Variants in GNS observed in about 807,000 individuals in gnomAD.
The protein encoded by GNS is N-acetylglucosamine-6-sulfatase.
GNS carries 40 observed loss-of-function variants against 69.7 expected under a neutral mutation model. The ratio of observed to expected loss-of-function variants is 0.57; its 90% CI spans 0.45 to 0.75. GNS has a LOEUF of 0.75. Ranked by LOEUF, GNS falls within the 30% of genes least tolerant of loss-of-function variation. The pLI is 0.00. For missense variants in GNS, 565 were observed against 685.5 expected (o/e 0.82, Z 1.96); for synonymous variants, 243 against 251.6 (o/e 0.97, Z 0.32).
At chr12:64,719,046 G>A (rs74712398) in intron 13 of GNS, among the ~76,000 whole-genome samples, 1 of 152,104 alleles carries the variant, frequency 6.6e-6, no homozygotes, top group East Asian at 1.9e-4. Context: ...TTTCATTTAA[G>A]TGATATAAAA....
At chr12:64,717,115 G>A (rs1868886711) in intron 13 of GNS, among the ~76,000 whole-genome samples, 1 of 152,146 alleles carries the variant, frequency 6.6e-6, no homozygotes, top group African/African-American at 2.4e-5. Flanking sequence ...GGGAGTAGGG[G>A]TGGATCAACT....
At chr12:64,745,200 T>C (rs1203858307) in intron 4 of GNS, among the ~76,000 whole-genome samples, 1 of 124,742 alleles carries the variant, frequency 8.0e-6, no homozygotes, top group Non-Finnish European at 1.6e-5. Context: ...CACAAGTCAA[T>C]AGACTTTTTT....
At chr12:64,728,150 C>T (rs1869267288) in intron 10 of GNS, among the ~76,000 whole-genome samples, 1 of 152,154 alleles carries the variant, frequency 6.6e-6, no homozygotes, top group Non-Finnish European at 1.5e-5. Context: ...GTCTCGAACC[C>T]CTGACTTCAG....
At chr12:64,750,981 C>T (rs1159114476) in intron 2 of GNS, among the ~76,000 whole-genome samples, 1 of 152,186 alleles carries the variant, frequency 6.6e-6, no homozygotes, top group Non-Finnish European at 1.5e-5. Flanking sequence ...TATCTTACCA[C>T]TCGCATCATT....
At chr12:64,745,916 C>T (rs1052493435) in intron 3 of GNS, 192 bp from the exon 4 acceptor site, 1 of 595,310 alleles carries the variant, frequency 1.7e-6, no homozygotes, top group Non-Finnish European at 3.0e-6. Context: ...TGGCAAACTA[C>T]AGCCAGTGAG....
In GNS at chr12:64,743,326, T is replaced by C. The variant is rs1440360711; in HGVS notation, c.625-18A>G. The C allele has an allele frequency of 1.3e-6, 2 of 1,585,008 alleles. No homozygotes were observed. The highest frequency in any genetic ancestry group is 1.7e-6 in the Non-Finnish European group (2 of 1,153,768). ...ACATTAGCCTGACACATAAAAAGAT[T>C]TGTCATCTCCTACCTTACCCAACAG... On this transcript the variant is annotated intron_variant, in intron 5 of 13. Coordinates refer to ENST00000258145, the MANE Select transcript of GNS (RefSeq NM_002076.4).
At chr12:64,740,839 C>G (rs1869708274) in intron 6 of GNS, 151 bp from the exon 7 acceptor site, 2 of 652,052 alleles carry the variant, frequency 3.1e-6, no homozygotes, top group Non-Finnish European at 5.5e-6. Context: ...TTCAGAACTT[C>G]TCTCCCTTCC....
rs1045150328 is a variant in GNS at position 64,746,163 on chromosome 12, T to C, written c.460-439A>G. On this transcript the variant is annotated intron_variant, in intron 3 of 13. Transcript: ENST00000258145. ...GCTGAATAGTAGCAACAGAGACATA[T>C]GGCCTGCAAGGCCTGAAATGTTTAC... 2.2e-5 allele frequency: 5 copies of C among 229,054 alleles called. No homozygotes were observed. The South Asian group carries it at 2.9e-4, about 13-fold the overall frequency. The allele number at this position is 229,054 out of a possible 1,614,324, so 14.2% of individuals were successfully genotyped here.
chr12:64,730,693 A>G (rs930388678), intron 9 of GNS, among the ~76,000 whole-genome samples: 6 of 152,154 alleles, frequency 3.9e-5, no homozygotes, highest in Non-Finnish European at 7.4e-5. Context: ...TGTTACAGAT[A>G]ATTTTCCTGG....
In GNS at chr12:64,745,893, C is replaced by T. The variant is rs569831778; in HGVS notation, c.460-169G>A. ...TAAACGCTAATAATCCTAGGAACTTCTAAAGCAGGAGTTGGCAAACTACAG... is the reference window on the plus strand; with the variant it reads ...TAAACGCTAATAATCCTAGGAACTTTTAAAGCAGGAGTTGGCAAACTACAG... On this transcript the variant is annotated intron_variant, in intron 3 of 13. Coordinates refer to ENST00000258145, the MANE Select transcript of GNS (RefSeq NM_002076.4). The T allele has an allele frequency of 6.3e-5, 39 of 623,358 alleles. 1 individual carries two copies. In the South Asian group the frequency reaches 7.5e-4, roughly 12 times the overall value. 38.6% of individuals were successfully genotyped at this position (623,358 alleles called of 1,614,324 possible).
intron 6 of GNS, among the ~76,000 whole-genome samples, chr12:64,741,025 T>C (rs975737113): frequency 6.6e-6 from 1 of 152,104 alleles, no homozygotes; most frequent in African/African-American, 2.4e-5. Context: ...ACTCTGATCT[T>C]ATGCCTTTGG....
rs775564692 is a variant in GNS, at chr12:64,739,415, G to A, written c.960C>T (p.Tyr320=). ...AGCCATTGTCTGAGGTATAGAAGAT[G>A]TAAGTGTTGTTGAGCTCCCCAGTGA... is the stretch of plus-strand genomic sequence containing the variant. The part of the protein sequence containing the change: ...LEFTGELNNT[Y]IFYTSDNGYH... Residue 320 remains tyrosine (Y), a synonymous_variant, in exon 8 of 14, where the codon TAC becomes TAT. Coordinates refer to ENST00000258145, the MANE Select transcript of GNS (RefSeq NM_002076.4). The A allele has an allele frequency of 6.3e-7, 1 of 1,589,526 alleles. No individual in the cohort carries two copies. Among genetic ancestry groups the A allele is most frequent in the South Asian group, 1.1e-5 (1 of 90,530 alleles).
chr12:64,740,562 G>C (rs1386694959), intron 7 of GNS, 44 bp downstream of exon 7: 1 of 981,902 alleles, frequency 1.0e-6, no homozygotes, highest in Admixed American at 1.7e-5. Flanking sequence ...TGATTTGCAG[G>C]GTCTTTAAAA....
chr12:64,725,514 T>C (rs1190285466), intron 10 of GNS, among the ~76,000 whole-genome samples: 1 of 152,194 alleles, frequency 6.6e-6, no homozygotes, highest in Non-Finnish European at 1.5e-5. Flanking sequence ...TCATTTTTAA[T>C]TCAAATAGCC....
In GNS at chr12:64,752,698, A is replaced by C. The variant is rs767089691; in HGVS notation, c.252T>G (p.Ala84=). 5 of 1,455,958 alleles carry C rather than the reference A, an allele frequency of 3.4e-6. No individual in the cohort carries two copies. In the East Asian group the frequency reaches 9.1e-5, roughly 26 times the overall value. The allele number at this position is 1,455,958 out of a possible 1,614,324, so 90.2% of individuals were successfully genotyped here. A position where few individuals can be genotyped will look rare whatever the true frequency, so the allele number is the denominator to read the frequency against. The change falls in exon 2 of 14, where the codon GCT becomes GCG. Residue 84 remains alanine, a splice_region_variant and synonymous_variant. Transcript: ENST00000258145. ...IGEMGMTFSS[A]YVPSALCCPS... is the part of the protein sequence containing the mutation. ...AAATTGAATTAACTTTCAAACTTAC[A>C]GCACTGGAAAAAGTCATCCCCATCT...
At chr12:64,757,142 G>A (rs1870276649) in intron 1 of GNS, among the ~76,000 whole-genome samples, 1 of 152,176 alleles carries the variant, frequency 6.6e-6, no homozygotes, top group African/African-American at 2.4e-5. Flanking sequence ...TTGTACCACT[G>A]CACTCCAGCC....
In GNS at chr12:64,747,906, C is replaced by T; in HGVS notation, c.265G>A (p.Ala89Thr). The change falls in exon 3 of 14, where the codon GCT becomes ACT. Residue 89 changes from alanine to threonine, a missense_variant. Coordinates refer to ENST00000258145, the MANE Select transcript of GNS (RefSeq NM_002076.4). ...CTGGCTCTGCTGGGGCAGCAGAGAGCACTTGGCACATACTACAAAGGAAAG... is the reference window on the plus strand; with the variant it reads ...CTGGCTCTGCTGGGGCAGCAGAGAGTACTTGGCACATACTACAAAGGAAAG... ...MTFSSAYVPS[A>T]LCCPSRASIL... is the part of the protein sequence containing the mutation. 1 of 1,589,122 alleles carries T rather than the reference C, an allele frequency of 6.3e-7. No homozygotes were observed. Among genetic ancestry groups the T allele is most frequent in the South Asian group, 1.1e-5 (1 of 90,582 alleles).
Position 64,747,729 on chromosome 12 carries a change from C to T in GNS, c.442G>A (p.Gly148Arg). ...SMCGYQTFFA[G>R]KYLNEYGAPD... ...CAACATACCTCATTTAAATATTTCC[C>T]TGCAAAAAAGGTCTGATAACCACAC... Residue 148 changes from glycine (G) to arginine (R), a missense_variant, in exon 3 of 14, where the codon GGG (glycine) becomes AGG (arginine). Gly to Arg is a moderately radical substitution (Grantham distance 125). Coordinates refer to ENST00000258145, the MANE Select transcript of GNS (RefSeq NM_002076.4). 6.3e-7 allele frequency: 1 copy of T among 1,596,566 alleles called. No homozygotes were observed. Among genetic ancestry groups the T allele is most frequent in the Non-Finnish European group, 8.6e-7 (1 of 1,163,998 alleles).
chr12:64,738,222 C>T (rs940534981), intron 8 of GNS, among the ~76,000 whole-genome samples: 1 of 152,130 alleles, frequency 6.6e-6, no homozygotes, highest in Non-Finnish European at 1.5e-5. Flanking sequence ...GTTGGCCAGG[C>T]TGATCTGGAA....
Sources: allele counts gnomAD v4.1 joint callset (sites outside exome capture counted in the v4.1 genomes callset), GRCh38; gene constraint gnomAD v4.1.1; transcripts MANE v1.5; gene names NCBI Gene and HGNC (gene_info 2026-07-23, HGNC 2026-07-21).